The following NDC80 variants were observed in gnomAD, a reference collection of about 807,000 sequenced individuals.
The protein encoded by NDC80 is NDC80 kinetochore complex component.
NDC80 carries 69 observed loss-of-function variants against 89.3 expected under a neutral mutation model. That is an observed-to-expected ratio of 0.77 (90% confidence interval 0.64 to 0.94). The LOEUF (loss-of-function observed/expected upper bound fraction) is 0.94. Among genes scored for constraint, NDC80 ranks in the 40% least tolerant of loss-of-function variants. NDC80 has a pLI of 0.00. For synonymous variants in NDC80, 243 were observed against 255.6 expected (o/e 0.95, Z 0.47); for missense variants, 593 against 739.6 (o/e 0.80, Z 2.30).
chr18:2,597,435 A>T (rs2072662657), intron 11 of NDC80, among the ~76,000 whole-genome samples: 2 of 152,310 alleles, frequency 1.3e-5, no homozygotes, highest in South Asian at 4.1e-4. Context: ...TCTCTAAAAG[A>T]TAGTAAGGAT....
chr18:2,610,602 T>C (rs1379711032), intron 15 of NDC80, among the ~76,000 whole-genome samples, 157 bp from the exon 16 acceptor site: 1 of 152,230 alleles, frequency 6.6e-6, no homozygotes, highest in Non-Finnish European at 1.5e-5. Flanking sequence ...CTTTTAATTA[T>C]TGATAGTGGG....
At chr18:2,593,087 C>T (rs1208933117) in intron 10 of NDC80, among the ~76,000 whole-genome samples, 3 of 128,668 alleles carry the variant, frequency 2.3e-5, no homozygotes, top group Admixed American at 8.5e-5. Context: ...CAGACTCTTA[C>T]TCTGTCACCC....
intron 1 of NDC80, among the ~76,000 whole-genome samples, chr18:2,572,528 C>T (rs1305828354): frequency 6.6e-6 from 1 of 152,172 alleles, no homozygotes; most frequent in Non-Finnish European, 1.5e-5. Context: ...TAATTCCATT[C>T]TCTGAAACCA....
chr18:2,595,509 A>G lies in NDC80; in HGVS notation c.1109A>G (p.Asn370Ser), dbSNP rs1213964315. 6.2e-7 allele frequency: 1 copy of G among 1,613,818 alleles called. No individual in the cohort carries two copies. Among genetic ancestry groups the G allele is most frequent in the Non-Finnish European group, 8.5e-7 (1 of 1,179,852 alleles). ...TCAGTTGCAGACATTGAGCGAATAAATCATGAAAGAAATGAATTGCAGCAG... is the reference window on the plus strand; with the variant it reads ...TCAGTTGCAGACATTGAGCGAATAAGTCATGAAAGAAATGAATTGCAGCAG... ...KYSVADIERI[N>S]HERNELQQTI... The change falls in exon 11 of 17, where the codon AAT becomes AGT. Residue 370 changes from asparagine to serine, a missense_variant. By Grantham distance (46) the Asn-to-Ser change is conservative (BLOSUM62 1). Coordinates refer to ENST00000261597, the MANE Select transcript of NDC80 (RefSeq NM_006101.3).
At chr18:2,589,561 A>C (rs1282512235) in intron 9 of NDC80, among the ~76,000 whole-genome samples, 1 of 152,204 alleles carries the variant, frequency 6.6e-6, no homozygotes, top group Non-Finnish European at 1.5e-5. Flanking sequence ...CTACTTACAT[A>C]AGATCAAAAG....
At position 2,587,734 on chromosome 18, in the gene NDC80, A is replaced by G; in HGVS notation, c.670-96A>G. ...ATCTGACTACTTAGTATTTCTGACT[A>G]TTTTTTAAATTCAAATATAAATTTC... is the stretch of plus-strand genomic sequence containing the variant. On this transcript the variant is annotated intron_variant, in intron 7 of 16. Coordinates refer to ENST00000261597, the MANE Select transcript of NDC80 (RefSeq NM_006101.3). The G allele has an allele frequency of 4.2e-6, 4 of 961,636 alleles. No individual in the cohort carries two copies. In the South Asian group the frequency reaches 4.2e-5, roughly 10 times the overall value. 59.6% of individuals were successfully genotyped at this position (961,636 alleles called of 1,614,324 possible). A position where few individuals can be genotyped will look rare whatever the true frequency, so the allele number is the denominator to read the frequency against.
intron 10 of NDC80, among the ~76,000 whole-genome samples, chr18:2,590,958 G>A (rs562211254): frequency 1.3e-5 from 2 of 151,908 alleles, no homozygotes; most frequent in South Asian, 2.1e-4. Context: ...GGCCAGTCTC[G>A]AACTCCTGGG....
chr18:2,592,614 C>T (rs1023544548), intron 10 of NDC80, among the ~76,000 whole-genome samples: 1 of 152,124 alleles, frequency 6.6e-6, no homozygotes, highest in African/African-American at 2.4e-5. Flanking sequence ...CCGCCTCAGC[C>T]TCCCAAAGTG....
intron 16 of NDC80, among the ~76,000 whole-genome samples, chr18:2,613,991 G>A (rs1410771705): frequency 1.3e-5 from 2 of 152,030 alleles, no homozygotes; most frequent in Non-Finnish European, 2.9e-5. Context: ...GAACCAAGGT[G>A]GCCAATAAAC....
At chr18:2,609,207 A>T (rs1302107664) in intron 15 of NDC80, among the ~76,000 whole-genome samples, 3 of 152,318 alleles carry the variant, frequency 2.0e-5, no homozygotes, top group African/African-American at 7.2e-5. Context: ...TTTATTTCCT[A>T]GAAATTATGT....
At position 2,577,830 on chromosome 18, in the gene NDC80, C is replaced by CA; in HGVS notation, c.267dup (p.Ala90SerfsTer12). 1 of 1,614,104 alleles carries CA rather than the reference C, an allele frequency of 6.2e-7. No homozygotes were observed. Among genetic ancestry groups the CA allele is most frequent in the South Asian group, 1.1e-5 (1 of 91,078 alleles). ...TCAAGGACCCGAGACCACTTAATGA[C>CA]AAAGCATTCATTCAGCAGTGTATTC... is the stretch of plus-strand genomic sequence containing the variant. On this transcript the variant is annotated frameshift_variant, in exon 4 of 17. Coordinates refer to ENST00000261597, the MANE Select transcript of NDC80 (RefSeq NM_006101.3). LOFTEE classifies it high-confidence loss of function.
At chr18:2,575,113 T>C (rs2072539717) in intron 3 of NDC80, 47 bp downstream of exon 3, 1 of 1,328,656 alleles carries the variant, frequency 7.5e-7, no homozygotes, top group African/African-American at 1.5e-5. Flanking sequence ...CTTATAGCCA[T>C]ACGTTGTTGC....
At chr18:2,613,273 T>C (rs560049448) in intron 16 of NDC80, among the ~76,000 whole-genome samples, 2 of 152,388 alleles carry the variant, frequency 1.3e-5, no homozygotes, top group African/African-American at 4.8e-5. Context: ...GAAAACCATC[T>C]AGACTGCCAA....
rs531850155 is a variant in NDC80 at position 2,590,612 on chromosome 18, G to T, written c.1015+450G>T. Reference sequence around the variant, plus strand: ...AAGGACATTTGAGATGAGATTTAGGGCCCACCTGGATAATAATACAGGGCT... The same window carrying T: ...AAGGACATTTGAGATGAGATTTAGGTCCCACCTGGATAATAATACAGGGCT... On this transcript the variant is annotated intron_variant, in intron 10 of 16. Transcript: ENST00000261597. 3.3e-5 allele frequency among the ~76,000 whole-genome samples: 5 copies of T among 152,206 alleles called. 1 individual carries two copies. In the South Asian group the frequency reaches 1.0e-3, roughly 32 times the overall value.
chr18:2,579,041 G>C lies in NDC80; in HGVS notation c.579+12G>C. 6.8e-7 allele frequency: 1 copy of C among 1,476,948 alleles called. No homozygotes were observed. Among genetic ancestry groups the C allele is most frequent in the Non-Finnish European group, 9.1e-7 (1 of 1,103,282 alleles). 91.5% of individuals were successfully genotyped at this position (1,476,948 alleles called of 1,614,324 possible). On this transcript the variant is annotated intron_variant, in intron 6 of 16. Coordinates refer to ENST00000261597, the MANE Select transcript of NDC80 (RefSeq NM_006101.3). ...TAGACTGCATCAAGGTATTTGATTT[G>C]TTCTTTTGAAATGTATACATGGGAA...
At chr18:2,575,222 A>T (rs2072540218) in intron 3 of NDC80, among the ~76,000 whole-genome samples, 156 bp downstream of exon 3, 1 of 152,258 alleles carries the variant, frequency 6.6e-6, no homozygotes, top group Non-Finnish European at 1.5e-5. Context: ...TTTAGTTTAC[A>T]TCTGCTGTAG....
At chr18:2,574,809 T>C (rs1423565189) in intron 2 of NDC80, among the ~76,000 whole-genome samples, 180 bp from the exon 3 acceptor site, 1 of 152,222 alleles carries the variant, frequency 6.6e-6, no homozygotes, top group Non-Finnish European at 1.5e-5. Context: ...TTATAACTTA[T>C]AGTACCATGT....
intron 15 of NDC80, among the ~76,000 whole-genome samples, chr18:2,609,283 C>T (rs558153324): frequency 2.6e-4 from 40 of 152,022 alleles, no homozygotes; most frequent in African/African-American, 9.2e-4. Flanking sequence ...CAGCATATGC[C>T]TTCCAAATAG....
chr18:2,601,492 A>G lies in NDC80; in HGVS notation c.1464+7A>G. 1 of 1,239,472 alleles carries G rather than the reference A, an allele frequency of 8.1e-7. No homozygotes were observed. The allele number at this position is 1,239,472 out of a possible 1,614,324, so 76.8% of individuals were successfully genotyped here. ...GGAGGATACTTTAGAACAAGTAAGT[A>G]ATAAAACATAAAAAGTCATAAAAAG... On this transcript the variant is annotated splice_region_variant and intron_variant, in intron 13 of 16. Transcript: ENST00000261597.
Sources: gnomAD v4.1 joint callset for allele counts (sites outside exome capture counted in the v4.1 genomes callset) on GRCh38, gnomAD v4.1.1 for gene constraint, MANE v1.5 for transcripts, NCBI Gene and HGNC (gene_info 2026-07-23, HGNC 2026-07-21) for gene names.